The following PEX7 variants were observed in gnomAD, a reference collection of about 807,000 sequenced individuals.
The protein encoded by PEX7 is PTS2 receptor.
Under a neutral mutation model 47.5 loss-of-function variants are expected in PEX7, and 34 were observed. The observed-to-expected ratio is 0.72, with a 90% CI of 0.54 to 0.95. The LOEUF (loss-of-function observed/expected upper bound fraction) is 0.95. Ranked by LOEUF, PEX7 falls within the 40% of genes least tolerant of loss-of-function variation. The pLI is 0.00. For missense variants in PEX7, 394 were observed against 400.3 expected (o/e 0.98, Z 0.13); for synonymous variants, 141 against 148.8 (o/e 0.95, Z 0.38).
intron 9 of PEX7, among the ~76,000 whole-genome samples, chr6:136,903,949 G>A (rs1775797781): frequency 6.6e-6 from 1 of 152,010 alleles, no homozygotes; most frequent in African/African-American, 2.4e-5. Flanking sequence ...CGGGATTACA[G>A]GTGTGAGCCA....
At position 136,836,096 on chromosome 6, in the gene PEX7, TA is replaced by T. The variant is rs1311071119; in HGVS notation, c.340-9514del. Among the ~76,000 whole-genome samples the T allele has an allele frequency of 1.8e-4, 27 of 152,284 alleles. No homozygotes were observed. The East Asian group carries it at 5.2e-3, about 29-fold the overall frequency. On this transcript the variant is annotated intron_variant, in intron 3 of 9. Coordinates refer to ENST00000318471, the MANE Select transcript of PEX7 (RefSeq NM_000288.4). ...CCCCATCTCTGATTTTAGAATCTAT[TA>T]AAAAGCATATGTAGGAGAATTATGC...
At chr6:136,865,624 A>T (rs1775054430) in intron 5 of PEX7, among the ~76,000 whole-genome samples, 1 of 152,200 alleles carries the variant, frequency 6.6e-6, no homozygotes, top group Non-Finnish European at 1.5e-5. Context: ...CTAAAAATAC[A>T]AAAATTAGCT....
chr6:136,823,627 A>G (rs1300912100), intron 1 of PEX7, among the ~76,000 whole-genome samples: 1 of 152,162 alleles, frequency 6.6e-6, no homozygotes, highest in African/African-American at 2.4e-5. Flanking sequence ...GCGGTGGCTC[A>G]CGTCTGTAAT....
intron 3 of PEX7, among the ~76,000 whole-genome samples, chr6:136,841,287 A>G (rs1774492337): frequency 6.6e-6 from 1 of 152,120 alleles, no homozygotes; most frequent in South Asian, 2.1e-4. Flanking sequence ...AGTATATATA[A>G]AATTACATTA....
In PEX7 at chr6:136,908,340, GT is replaced by G. The variant is rs564543989; in HGVS notation, c.904-5110del. 3.5e-3 allele frequency among the ~76,000 whole-genome samples: 531 copies of G among 151,982 alleles called. 2 individuals carry two copies. The highest frequency in any genetic ancestry group is 0.012 in the African/African-American group (481 of 41,452). On this transcript the variant is annotated intron_variant, in intron 9 of 9. Coordinates refer to ENST00000318471, the MANE Select transcript of PEX7 (RefSeq NM_000288.4). ...TATGGCATCTTACCCTATTAGTTTA[GT>G]TTTTTTTACTACCCTAGTAGATAGC...
intron 8 of PEX7, among the ~76,000 whole-genome samples, chr6:136,876,343 A>T (rs1392960098): frequency 2.0e-5 from 3 of 151,928 alleles, no homozygotes; most frequent in African/African-American, 7.3e-5. Context: ...GGCCGATTAA[A>T]TTTTTTTTAT....
chr6:136,879,211 A>T (rs771840397), intron 8 of PEX7, among the ~76,000 whole-genome samples: 2 of 152,132 alleles, frequency 1.3e-5, no homozygotes, highest in Non-Finnish European at 2.9e-5. Context: ...ATAATTAAAT[A>T]TATTAAGTGC....
intron 3 of PEX7, among the ~76,000 whole-genome samples, chr6:136,834,915 G>C (rs1390718337): frequency 6.6e-6 from 1 of 152,060 alleles, no homozygotes; most frequent in East Asian, 1.9e-4. Context: ...GTGTGCAAAG[G>C]CTTGTCTTAA....
At chr6:136,825,082 A>G in intron 1 of PEX7, 132 bp from the exon 2 acceptor site, 1 of 743,790 alleles carries the variant, frequency 1.3e-6, no homozygotes, top group Non-Finnish European at 2.4e-6. Context: ...ACCATTTGGT[A>G]TTCAAGGTCC....
In PEX7 at chr6:136,913,477, A is replaced by T; in HGVS notation, c.923A>T (p.Asp308Val). 5.0e-6 allele frequency: 8 copies of T among 1,612,244 alleles called. No individual in the cohort carries two copies. Among genetic ancestry groups the T allele is most frequent in the Non-Finnish European group, 6.8e-6 (8 of 1,178,702 alleles). ...SPTQVADCSW[D>V]ETIKIYDPAC... ...TTCTAGGTGGCTGACTGTTCTTGGG[A>T]TGAAACAATAAAGATCTATGACCCT... The change falls in exon 10 of 10, where the codon GAT (aspartate) becomes GTT (valine). Residue 308 changes from aspartate to valine, a missense_variant. By Grantham distance (152) the Asp-to-Val change is radical (BLOSUM62 -3). Coordinates refer to ENST00000318471, the MANE Select transcript of PEX7 (RefSeq NM_000288.4).
chr6:136,904,708 G>T (rs1775813311), intron 9 of PEX7, among the ~76,000 whole-genome samples: 1 of 150,044 alleles, frequency 6.7e-6, no homozygotes, highest in Non-Finnish European at 1.5e-5. Flanking sequence ...CCATGATCGT[G>T]AGGCCTCCCC....
Position 136,876,583 on chromosome 6 carries a change from C to T in PEX7, c.803+4330C>T, listed in dbSNP as rs191934828. Among the ~76,000 whole-genome samples the T allele has an allele frequency of 4.0e-3, 610 of 152,140 alleles. 3 individuals are homozygous for T. Among genetic ancestry groups the T allele is most frequent in the African/African-American group, 0.014 (585 of 41,518 alleles). On this transcript the variant is annotated intron_variant, in intron 8 of 9. Coordinates refer to ENST00000318471, the MANE Select transcript of PEX7 (RefSeq NM_000288.4). ...CAACTCCCACTTATGAGTGAGAACA[C>T]GCGGTGTTCGGTTTTCTGTTCCTGT...
chr6:136,896,517 AG>A (rs1316049686), intron 8 of PEX7, among the ~76,000 whole-genome samples: 2 of 152,170 alleles, frequency 1.3e-5, no homozygotes, highest in African/African-American at 4.8e-5. Context: ...TGAGCTTTCC[AG>A]GAGCAGTTTG....
intron 9 of PEX7, among the ~76,000 whole-genome samples, chr6:136,912,340 G>A (rs6908167): frequency 0.61 from 91,734 of 150,488 alleles, 28,274 homozygotes; most frequent in African/African-American, 0.74. Context: ...TTTTTTTTCT[G>A]AAAGTGTTAT....
rs781744172 is a variant in PEX7 at position 136,866,584 on chromosome 6, C to A, written c.527-43C>A. 17 of 1,489,672 alleles carry A rather than the reference C, an allele frequency of 1.1e-5. No homozygotes were observed. In the Admixed American group the frequency reaches 2.8e-4, roughly 25 times the overall value. 92.3% of individuals were successfully genotyped at this position (1,489,672 alleles called of 1,614,324 possible). A position where few individuals can be genotyped will look rare whatever the true frequency, so the allele number is the denominator to read the frequency against. ...TGAACACATTATGTCACTGCACATT[C>A]AAGTGGTGTGATGGGAAATGATCAA... On this transcript the variant is annotated intron_variant, in intron 5 of 9. Transcript: ENST00000318471.
chr6:136,860,285 A>G (rs183284726), intron 5 of PEX7, among the ~76,000 whole-genome samples: 2 of 152,288 alleles, frequency 1.3e-5, no homozygotes, highest in East Asian at 3.9e-4. Flanking sequence ...GCGAGGATGA[A>G]GTGCCAAATG....
chr6:136,908,599 C>T (rs975870188), intron 9 of PEX7, among the ~76,000 whole-genome samples: 3 of 152,026 alleles, frequency 2.0e-5, no homozygotes, highest in Admixed American at 6.6e-5. Flanking sequence ...TATCCTTGGG[C>T]GGAAGCAGTA....
At chr6:136,875,440 A>G (rs1218179484) in intron 8 of PEX7, among the ~76,000 whole-genome samples, 2 of 152,198 alleles carry the variant, frequency 1.3e-5, no homozygotes, top group Non-Finnish European at 2.9e-5. Flanking sequence ...TTTAGTTTCC[A>G]TATGAAAATG....
intron 5 of PEX7, chr6:136,855,872 C>A (rs1774853299): frequency 4.9e-6 from 1 of 205,670 alleles, no homozygotes; most frequent in African/African-American, 2.4e-5. Flanking sequence ...TGCGTATGAC[C>A]AAATATAAAT....
Sources: gnomAD v4.1 joint callset for allele counts (sites outside exome capture counted in the v4.1 genomes callset) on GRCh38, gnomAD v4.1.1 for gene constraint, MANE v1.5 for transcripts, NCBI Gene and HGNC (gene_info 2026-07-23, HGNC 2026-07-21) for gene names.